Variants in GLT1D1 observed in about 807,000 individuals in gnomAD.
GLT1D1 encodes the protein glycosyltransferase 1 domain-containing protein 1.
In GLT1D1, 21 loss-of-function variants were observed where a neutral mutation model predicts 28.7. That is an observed-to-expected ratio of 0.73 (90% CI 0.52 to 1.05). GLT1D1 has a LOEUF of 1.05. GLT1D1 is among the 50% of genes least tolerant of loss of function. The pLI is 0.00. For synonymous variants in GLT1D1, 147 were observed against 124.8 expected, an observed-to-expected ratio of 1.18 and a Z score of -1.19; for missense variants, 343 against 330.6, an observed-to-expected ratio of 1.04 and a Z score of -0.29.
At chr12:128,978,494 T>A (rs977856221) in intron 7 of GLT1D1, among the ~76,000 whole-genome samples, 4 of 152,142 alleles carry the variant, frequency 2.6e-5, no homozygotes, top group Admixed American at 2.6e-4. Flanking sequence ...CCATGCGACC[T>A]GGGTGGCCTC....
chr12:128,963,670 T>G (rs551841083), intron 7 of GLT1D1, among the ~76,000 whole-genome samples: 2 of 152,256 alleles, frequency 1.3e-5, no homozygotes, highest in South Asian at 4.1e-4. Flanking sequence ...GGTGTTTTTT[T>G]CTCTCTCTAC....
chr12:128,918,109 C>T (rs9669125), intron 4 of GLT1D1, among the ~76,000 whole-genome samples: 49,658 of 152,052 alleles, frequency 0.33, 9,882 homozygotes, highest in Non-Finnish European at 0.45. Flanking sequence ...ACATAGACAC[C>T]GTGGAATACT....
chr12:128,933,242 G>A (rs1178487636), intron 4 of GLT1D1, among the ~76,000 whole-genome samples: 2 of 152,274 alleles, frequency 1.3e-5, no homozygotes, highest in Non-Finnish European at 2.9e-5. Flanking sequence ...CGACGTCACT[G>A]AACACAGGGT....
At chr12:128,932,886 C>T (rs1019003583) in intron 4 of GLT1D1, among the ~76,000 whole-genome samples, 25 of 152,330 alleles carry the variant, frequency 1.6e-4, no homozygotes, top group African/African-American at 6.0e-4. Flanking sequence ...GCCACAAAAC[C>T]TTGACGCCAT....
At chr12:128,961,182 T>G (rs1877905769) in intron 7 of GLT1D1, among the ~76,000 whole-genome samples, 2 of 152,176 alleles carry the variant, frequency 1.3e-5, no homozygotes, top group Admixed American at 6.5e-5. Flanking sequence ...CAGATATAAA[T>G]ATGTGAGGAG....
At chr12:128,937,622 G>A (rs1230898218) in intron 4 of GLT1D1, among the ~76,000 whole-genome samples, 1 of 152,168 alleles carries the variant, frequency 6.6e-6, no homozygotes, top group Non-Finnish European at 1.5e-5. Context: ...TGGTTTGGCT[G>A]TGTCCCCACC....
rs1444480910 is a variant in GLT1D1 at position 128,957,625 on chromosome 12, A to G, written c.621A>G (p.Leu207=). The G allele has an allele frequency of 5.6e-6, 9 of 1,611,950 alleles. No homozygotes were observed. The South Asian group carries it at 9.9e-5, about 18-fold the overall frequency. Residue 207 remains leucine (L), a synonymous_variant, in exon 7 of 8, where the codon CTA becomes CTG. Coordinates refer to ENST00000281703, the MANE Select transcript of GLT1D1 (RefSeq NM_144669.3). ...TGGTGAAGCATGAAGTCACAGGGCT[A>G]CTGTTTTCCAATCCTCAGGTAAAGA...
intron 4 of GLT1D1, among the ~76,000 whole-genome samples, chr12:128,918,081 G>A (rs1872280835): frequency 6.6e-6 from 1 of 152,148 alleles, no homozygotes; most frequent in Non-Finnish European, 1.5e-5. Flanking sequence ...GTGATAGACT[G>A]GATAAAGAAA....
intron 4 of GLT1D1, among the ~76,000 whole-genome samples, chr12:128,928,458 C>A (rs1873512297): frequency 6.6e-6 from 1 of 152,066 alleles, no homozygotes; most frequent in Admixed American, 6.5e-5. Context: ...AATAGAAGTC[C>A]CAAGGGCTTA....
intron 1 of GLT1D1, among the ~76,000 whole-genome samples, chr12:128,874,098 T>TC (rs1956788545): frequency 5.1e-4 from 17 of 33,034 alleles, no homozygotes; most frequent in African/African-American, 1.0e-3. Flanking sequence ...CTTTCTTTCT[T>TC]TCTCTCTCTC....
At chr12:128,952,935 T>C (rs181623788) in intron 6 of GLT1D1, among the ~76,000 whole-genome samples, 2 of 152,078 alleles carry the variant, frequency 1.3e-5, no homozygotes, top group East Asian at 3.9e-4. Context: ...TGCACCACCA[T>C]GCCCAGCTAA....
At chr12:128,906,552 A>G (rs141861307) in intron 4 of GLT1D1, among the ~76,000 whole-genome samples, 3 of 152,248 alleles carry the variant, frequency 2.0e-5, no homozygotes, top group South Asian at 2.1e-4. Flanking sequence ...CTAAACTCAA[A>G]TATTTATTTA....
intron 4 of GLT1D1, among the ~76,000 whole-genome samples, chr12:128,928,724 G>A (rs770107445): frequency 1.3e-5 from 2 of 151,438 alleles, no homozygotes; most frequent in South Asian, 2.1e-4. Flanking sequence ...GGGTTCAAGC[G>A]ATTCTCCAGC....
chr12:128,856,160 G>A (rs1442273382), intron 1 of GLT1D1, among the ~76,000 whole-genome samples: 1 of 152,160 alleles, frequency 6.6e-6, no homozygotes, highest in East Asian at 1.9e-4. Context: ...GCATTTCCAT[G>A]CATTTGCAAA....
At chr12:128,941,569 C>CTTTTTTTTTTTTT (rs550204231) in intron 4 of GLT1D1, among the ~76,000 whole-genome samples, 1 of 107,556 alleles carries the variant, frequency 9.3e-6, no homozygotes. Flanking sequence ...CTCTCTTTCT[C>CTTTTTTTTTTTTT]TTTTTTTTTT....
intron 4 of GLT1D1, among the ~76,000 whole-genome samples, chr12:128,919,992 C>CTCTCTCTCTCTCTCTCTCTCTCTCT (rs1566133496): frequency 4.5e-5 from 1 of 21,998 alleles, no homozygotes; most frequent in African/African-American, 1.7e-4. Context: ...TCTCTCTCTC[C>CTCTCTCTCTCTCTCTCTCTCTCTCT]CCCTCCATCT....
At chr12:128,978,522 G>T (rs770153328) in intron 7 of GLT1D1, among the ~76,000 whole-genome samples, 1 of 152,186 alleles carries the variant, frequency 6.6e-6, no homozygotes, top group Non-Finnish European at 1.5e-5. Flanking sequence ...GGAGGGGGCA[G>T]TCGTTCCTAG....
chr12:128,950,614 C>G (rs1385589547), intron 6 of GLT1D1, among the ~76,000 whole-genome samples: 1 of 152,192 alleles, frequency 6.6e-6, no homozygotes, highest in African/African-American at 2.4e-5. Flanking sequence ...GTGCCCCCCC[C>G]TCACAGATCA....
intron 3 of GLT1D1, among the ~76,000 whole-genome samples, chr12:128,890,331 T>C (rs1868897316): frequency 6.6e-6 from 1 of 152,174 alleles, no homozygotes. Flanking sequence ...AGGCCCATTA[T>C]AATCTTTGAA....
Sources: allele counts gnomAD v4.1 joint callset (sites outside exome capture counted in the v4.1 genomes callset), GRCh38; gene constraint gnomAD v4.1.1; transcripts MANE v1.5; gene names NCBI Gene and HGNC (gene_info 2026-07-23, HGNC 2026-07-21).